Variants in MAOB observed in about 807,000 individuals in gnomAD.
The protein encoded by MAOB is amine oxidase [flavin-containing] B.
A neutral mutation model predicts 41.9 loss-of-function variants in MAOB; 15 were observed. The observed-to-expected ratio is 0.36, with a 90% CI of 0.24 to 0.55. The LOEUF is 0.55. MAOB is among the 20% of genes least tolerant of loss of function. MAOB has a pLI of 0.86. For missense variants in MAOB, 345 were observed against 398.7 expected (o/e 0.87, Z 1.15); for synonymous variants, 167 against 144.2 (o/e 1.16, Z -1.13).
rs1307648407 is a variant in MAOB, at chrX:43,865,044, C to T, written c.46+17210G>A. Among the ~76,000 whole-genome samples, 7 of 111,811 alleles carry T rather than the reference C, an allele frequency of 6.3e-5. No individual in the cohort carries two copies. In the South Asian group the frequency reaches 1.5e-3, roughly 24 times the overall value. ...TACCTTATGATCTAGCAGTTTCGCT[C>T]CCGGGTATATACCGAAGAGAAATAA... On this transcript the variant is annotated intron_variant, in intron 1 of 14. Transcript: ENST00000378069.
chrX:43,876,108 C>T (rs934584090), intron 1 of MAOB, among the ~76,000 whole-genome samples: 2 of 110,765 alleles, frequency 1.8e-5, no homozygotes, highest in Non-Finnish European at 3.8e-5. Flanking sequence ...TGGAGGCATG[C>T]GCCACCACGC....
At chrX:43,829,527 AC>A (rs1453940514) in intron 3 of MAOB, among the ~76,000 whole-genome samples, 4 of 112,157 alleles carry the variant, frequency 3.6e-5, no homozygotes, top group Non-Finnish European at 5.6e-5. Flanking sequence ...GACCACGTCA[AC>A]CTCAATTACT....
chrX:43,787,233 A>C (rs1426469770), intron 8 of MAOB, among the ~76,000 whole-genome samples: 1 of 111,476 alleles, frequency 9.0e-6, no homozygotes, highest in Non-Finnish European at 1.9e-5. Context: ...GCATGTTCAG[A>C]ATAAAATAAG....
intron 5 of MAOB, 48 bp from the exon 6 acceptor site, chrX:43,797,314 C>T (rs752157961): frequency 1.0e-6 from 1 of 989,849 alleles, no homozygotes; most frequent in South Asian, 3.5e-5. Context: ...AGGAGAGCAG[C>T]TTCTTAATTC....
rs781494279 is a variant in MAOB, at chrX:43,861,058, T to A, written c.47-17294A>T. ...TAGCAGTACTTTGTAGGTAGCTAAG[T>A]ATTTATTTTGTTGGTCCATTTGGTA... On this transcript the variant is annotated intron_variant, in intron 1 of 14. Transcript: ENST00000378069. 4.4e-5 allele frequency among the ~76,000 whole-genome samples: 5 copies of A among 112,443 alleles called. No individual in the cohort carries two copies. In the South Asian group the frequency reaches 1.5e-3, roughly 33 times the overall value.
At chrX:43,796,532 G>A (rs971986505) in intron 6 of MAOB, among the ~76,000 whole-genome samples, 4 of 111,063 alleles carry the variant, frequency 3.6e-5, no homozygotes, top group Non-Finnish European at 7.5e-5. Flanking sequence ...GTCAGAGAAG[G>A]AGAAGGAGAG....
chrX:43,833,163 T>C (rs1019474852), intron 3 of MAOB, among the ~76,000 whole-genome samples: 1 of 111,699 alleles, frequency 9.0e-6, no homozygotes, highest in Non-Finnish European at 1.9e-5. Flanking sequence ...TCTTTAACCT[T>C]TAGGTCCTCA....
In MAOB at chrX:43,780,291, G is replaced by GT. The variant is rs1298455214; in HGVS notation, c.1079+50dup. 4.0e-6 allele frequency: 4 copies of GT among 1,004,182 alleles called. No homozygotes were observed. In the African/African-American group the frequency reaches 5.9e-5, roughly 15 times the overall value. The allele number at this position is 1,004,182 out of a possible 1,213,427, so 82.8% of individuals were successfully genotyped here. Reference sequence around the variant, plus strand: ...AAGAGAAAAGGGAGGGAGGGATGGAGTGGGGGGGAAAGGAAGGAAGAAACG... The same window carrying GT: ...AAGAGAAAAGGGAGGGAGGGATGGAGTTGGGGGGGAAAGGAAGGAAGAAACG... On this transcript the variant is annotated intron_variant, in intron 10 of 14. Transcript: ENST00000378069.
chrX:43,817,284 C>A (rs1602000832), intron 3 of MAOB, among the ~76,000 whole-genome samples: 1 of 110,422 alleles, frequency 9.1e-6, no homozygotes, highest in East Asian at 2.8e-4. Context: ...CAATAATAAT[C>A]CATTCATCTG....
rs371119804 is a variant in MAOB, at chrX:43,769,878, A to G, written c.1236-460T>C. Among the ~76,000 whole-genome samples, 61 of 111,229 alleles carry G rather than the reference A, an allele frequency of 5.5e-4. No homozygotes were observed. The South Asian group carries it at 0.023, about 41-fold the overall frequency. On this transcript the variant is annotated intron_variant, in intron 12 of 14. Coordinates refer to ENST00000378069, the MANE Select transcript of MAOB (RefSeq NM_000898.5). ...AGGGAATGGTCCACTGATTTCTAAGACCCTTTCAATCAGTAACATTTAACA... is the reference window on the plus strand; with the variant it reads ...AGGGAATGGTCCACTGATTTCTAAGGCCCTTTCAATCAGTAACATTTAACA...
chrX:43,768,538 A>G (rs2034140272), intron 14 of MAOB, 116 bp downstream of exon 14: 1 of 561,602 alleles, frequency 1.8e-6, no homozygotes, highest in East Asian at 3.7e-5. Context: ...TCATGTTTAA[A>G]TCACTTAGTT....
At chrX:43,797,397 C>T (rs1429950977) in intron 5 of MAOB, 131 bp from the exon 6 acceptor site, 1 of 442,872 alleles carries the variant, frequency 2.3e-6, no homozygotes. Flanking sequence ...AAAATTGTCA[C>T]TAGAATCTAA....
chrX:43,797,689 C>A (rs1317497319), intron 5 of MAOB, among the ~76,000 whole-genome samples: 1 of 111,915 alleles, frequency 8.9e-6, no homozygotes, highest in African/African-American at 3.3e-5. Context: ...CCACATCACT[C>A]CACCTTCACC....
chrX:43,861,421 G>A (rs984877888), intron 1 of MAOB, among the ~76,000 whole-genome samples: 14 of 112,620 alleles, frequency 1.2e-4, no homozygotes, highest in African/African-American at 4.2e-4. Flanking sequence ...CAAATTTTCT[G>A]TTCCAAATGT....
intron 3 of MAOB, among the ~76,000 whole-genome samples, chrX:43,814,295 C>G: frequency 8.9e-6 from 1 of 112,105 alleles, no homozygotes; most frequent in Middle Eastern, 4.6e-3. Context: ...AGGTGGCTGC[C>G]TCTGTGCTCT....
At chrX:43,786,349 C>A (rs1327034592) in intron 8 of MAOB, among the ~76,000 whole-genome samples, 1 of 111,489 alleles carries the variant, frequency 9.0e-6, no homozygotes, top group Non-Finnish European at 1.9e-5. Context: ...GAGAAAGGAC[C>A]TCCCCAACAT....
intron 14 of MAOB, 144 bp downstream of exon 14, chrX:43,768,510 T>G (rs1476359121): frequency 2.1e-5 from 10 of 471,944 alleles, no homozygotes; most frequent in Non-Finnish European, 3.3e-5. Flanking sequence ...CCCTAACCCA[T>G]GATACTTATT....
At chrX:43,841,135 T>C (rs2035132554) in intron 2 of MAOB, among the ~76,000 whole-genome samples, 1 of 111,691 alleles carries the variant, frequency 9.0e-6, no homozygotes, top group African/African-American at 3.3e-5. Flanking sequence ...GAATTTTATA[T>C]GTCTTATCTC....
intron 1 of MAOB, among the ~76,000 whole-genome samples, chrX:43,853,941 G>A (rs576912768): frequency 1.8e-5 from 2 of 112,648 alleles, no homozygotes; most frequent in South Asian, 7.4e-4. Flanking sequence ...TTTTGTCACA[G>A]CAGCCCTAGC....
Sources: allele counts gnomAD v4.1 joint callset (sites outside exome capture counted in the v4.1 genomes callset), GRCh38; gene constraint gnomAD v4.1.1; transcripts MANE v1.5; gene names NCBI Gene and HGNC (gene_info 2026-07-23, HGNC 2026-07-21).